The following POLR3H variants were observed in gnomAD, a reference collection of about 807,000 sequenced individuals.
POLR3H encodes the protein DNA-directed RNA polymerase III subunit RPC8.
Under a neutral mutation model 25.5 loss-of-function variants are expected in POLR3H, and 17 were observed. That is an observed-to-expected ratio of 0.67 (90% CI 0.46 to 1.00). The LOEUF (loss-of-function observed/expected upper bound fraction) is 1.00. Ranked by LOEUF, POLR3H falls within the 50% of genes least tolerant of loss-of-function variation. POLR3H has a pLI of 0.00. For synonymous variants in POLR3H, 129 were observed against 103.0 expected, an observed-to-expected ratio of 1.25 and a Z score of -1.53; for missense variants, 274 against 265.0, an observed-to-expected ratio of 1.03 and a Z score of -0.24.
Position 41,532,080 on chromosome 22 carries a change from C to G in POLR3H, c.359+14G>C. ...AGCTCCCTGTGACAAACCACTTTAA[C>G]CCTTGGAGGATACAACTTGGCTGGC... On this transcript the variant is annotated intron_variant, in intron 4 of 5. Coordinates refer to ENST00000355209, the MANE Select transcript of POLR3H (RefSeq NM_001018050.4). 6.2e-7 allele frequency: 1 copy of G among 1,613,452 alleles called. No homozygotes were observed. Among genetic ancestry groups the G allele is most frequent in the Non-Finnish European group, 8.5e-7 (1 of 1,179,402 alleles).
chr22:41,532,381 G>A (rs2066753681), intron 3 of POLR3H, among the ~76,000 whole-genome samples: 1 of 152,338 alleles, frequency 6.6e-6, no homozygotes, highest in African/African-American at 2.4e-5. Context: ...CAAAACCTCT[G>A]CACACAACAG....
intron 2 of POLR3H, 159 bp downstream of exon 2, chr22:41,540,540 G>T: frequency 1.4e-6 from 1 of 711,018 alleles, no homozygotes; most frequent in Non-Finnish European, 2.6e-6. Flanking sequence ...ACAGGGTCTT[G>T]CTATGTTGCC....
At position 41,544,127 on chromosome 22, in the gene POLR3H, A is replaced by G. The variant is rs779498806; in HGVS notation, c.-26T>C. The stretch of plus-strand genomic sequence containing the variant: ...CCCGGCCTGCGCTGGGGGCTCTGGG[A>G]ACAGGAGGGTCAGTCACGCACCAGG... On this transcript the variant is annotated 5_prime_UTR_variant, in exon 1 of 6. Transcript: ENST00000355209. The G allele has an allele frequency of 1.4e-6, 2 of 1,467,976 alleles. No homozygotes were observed. Among genetic ancestry groups the G allele is most frequent in the Non-Finnish European group, 1.9e-6 (2 of 1,051,816 alleles). 90.9% of individuals were successfully genotyped at this position (1,467,976 alleles called of 1,614,324 possible).
At chr22:41,538,674 CT>C (rs2066885938) in intron 2 of POLR3H, among the ~76,000 whole-genome samples, 1 of 152,228 alleles carries the variant, frequency 6.6e-6, no homozygotes. Flanking sequence ...GCTCGGCATC[CT>C]TCTCTGTAAA....
intron 2 of POLR3H, chr22:41,540,461 C>T: frequency 3.8e-6 from 2 of 528,964 alleles, no homozygotes; most frequent in South Asian, 3.8e-5. Flanking sequence ...AGGACTCCCA[C>T]CACCCTCTGG....
rs1435647399 is a variant in POLR3H, at chr22:41,526,762, A to AG, written c.*2520dup. 5.5e-6 allele frequency: 2 copies of AG among 363,926 alleles called. No individual in the cohort carries two copies. The highest frequency in any genetic ancestry group is 1.0e-5 in the Non-Finnish European group (2 of 198,934). The allele number at this position is 363,926 out of a possible 1,614,324, so 22.5% of individuals were successfully genotyped here. On this transcript the variant is annotated 3_prime_UTR_variant, in exon 6 of 6. Transcript: ENST00000355209. ...GAAGTCAGAGGCCAAAAGCTCAGAG[A>AG]GGGGGCTACACGGGGCCTCACAGTG... is the stretch of plus-strand genomic sequence containing the variant.
At chr22:41,532,232 T>C (rs539246972) in intron 3 of POLR3H, 75 bp from the exon 4 acceptor site, 4 of 1,462,210 alleles carry the variant, frequency 2.7e-6, no homozygotes, top group African/African-American at 2.8e-5. Context: ...GTCTTATGCT[T>C]GACAGGCAAG....
chr22:41,540,333 A>G lies in POLR3H; in HGVS notation c.208+366T>C, dbSNP rs2066909293. Reference sequence around the variant, plus strand: ...GCTGAAGAGGCCTTGAAAACCAACTAGTCCACATCCCAGGCCTCACAGATG... The same window carrying G: ...GCTGAAGAGGCCTTGAAAACCAACTGGTCCACATCCCAGGCCTCACAGATG... On this transcript the variant is annotated intron_variant, in intron 2 of 5. Transcript: ENST00000355209. The G allele has an allele frequency of 8.3e-6, 3 of 362,074 alleles. 1 individual carries two copies. The highest frequency in any genetic ancestry group is 9.9e-4 in the Middle Eastern group (1 of 1,012). The allele number at this position is 362,074 out of a possible 1,614,324, so 22.4% of individuals were successfully genotyped here.
chr22:41,533,123 C>T (rs1435721631), intron 2 of POLR3H, among the ~76,000 whole-genome samples: 2 of 152,206 alleles, frequency 1.3e-5, no homozygotes, highest in Non-Finnish European at 1.5e-5. Flanking sequence ...GCAAAGTCGG[C>T]CCCAGGCACA....
chr22:41,532,608 T>C (rs777546085), intron 3 of POLR3H, 51 bp downstream of exon 3: 3 of 1,613,712 alleles, frequency 1.9e-6, no homozygotes, highest in Admixed American at 3.3e-5. Context: ...ACAGACCTCC[T>C]GCCCCCACAG....
At chr22:41,538,444 G>T (rs1450508089) in intron 2 of POLR3H, among the ~76,000 whole-genome samples, 2 of 152,080 alleles carry the variant, frequency 1.3e-5, no homozygotes, top group African/African-American at 4.8e-5. Context: ...AGTTTTAGTA[G>T]AGATGAGGTT....
At position 41,527,208 on chromosome 22, in the gene POLR3H, TG is replaced by T; in HGVS notation, c.*2074del. Reference sequence around the variant, plus strand: ...TCAGGATGCCCAGGCGCCAGGTGGGTGAGGCCAGGCAGGTAGGGCCAGACAG... The same window carrying T: ...TCAGGATGCCCAGGCGCCAGGTGGGTAGGCCAGGCAGGTAGGGCCAGACAG... On this transcript the variant is annotated 3_prime_UTR_variant, in exon 6 of 6. Coordinates refer to ENST00000355209, the MANE Select transcript of POLR3H (RefSeq NM_001018050.4). 1 of 1,601,840 alleles carries T rather than the reference TG, an allele frequency of 6.2e-7. No homozygotes were observed. The highest frequency in any genetic ancestry group is 1.7e-5 in the Admixed American group (1 of 59,458).
rs1454456583 is a variant in POLR3H, at chr22:41,529,024, A to G, written c.*259T>C. ...GTCTGTGCCGTTTGTTGTCAAGTCC[A>G]GGGTCCAGGAAGGGTCTTTTCAGTC... On this transcript the variant is annotated 3_prime_UTR_variant, in exon 6 of 6. Transcript: ENST00000355209. 4 of 548,054 alleles carry G rather than the reference A, an allele frequency of 7.3e-6. No individual in the cohort carries two copies. In the East Asian group the frequency reaches 1.2e-4, roughly 17 times the overall value. The allele number at this position is 548,054 out of a possible 1,614,324, so 33.9% of individuals were successfully genotyped here. A position where few individuals can be genotyped will look rare whatever the true frequency, so the allele number is the denominator to read the frequency against.
rs1286361933 is a variant in POLR3H at position 41,528,874 on chromosome 22, A to T, written c.*409T>A. The T allele has an allele frequency of 1.4e-5, 7 of 515,246 alleles. No individual in the cohort carries two copies. The highest frequency in any genetic ancestry group is 2.0e-5 in the Non-Finnish European group (6 of 293,900). The allele number at this position is 515,246 out of a possible 1,614,324, so 31.9% of individuals were successfully genotyped here. A position where few individuals can be genotyped will look rare whatever the true frequency, so the allele number is the denominator to read the frequency against. The stretch of plus-strand genomic sequence containing the variant: ...AACTGTATTTATTTTTGATGACAAG[A>T]CTCCCATCTAAAGTTTTTCTCCTGC... On this transcript the variant is annotated 3_prime_UTR_variant, in exon 6 of 6. Transcript: ENST00000355209.
intron 2 of POLR3H, among the ~76,000 whole-genome samples, chr22:41,538,478 T>G (rs1224418579): frequency 6.6e-6 from 1 of 152,166 alleles, no homozygotes; most frequent in Non-Finnish European, 1.5e-5. Flanking sequence ...CAGGCTGGTC[T>G]AGAACTCCTG....
At position 41,526,437 on chromosome 22, in the gene POLR3H, C is replaced by T. The variant is rs780385024; in HGVS notation, c.*2846G>A. 2 of 1,612,900 alleles carry T rather than the reference C, an allele frequency of 1.2e-6. No homozygotes were observed. The highest frequency in any genetic ancestry group is 2.2e-5 in the South Asian group (2 of 90,994). ...CAGGAGTTTGGCCCCGTCCCTGACA[C>T]TGCCCGCTACTACAAGGTGGGTCAG... On this transcript the variant is annotated 3_prime_UTR_variant, in exon 6 of 6. Transcript: ENST00000355209.
chr22:41,534,120 G>C (rs1480121593), intron 2 of POLR3H, among the ~76,000 whole-genome samples: 4 of 151,332 alleles, frequency 2.6e-5, no homozygotes, highest in African/African-American at 9.7e-5. Context: ...CTGGGCAACA[G>C]AGCAAGACTC....
At chr22:41,538,611 C>T (rs929045283) in intron 2 of POLR3H, among the ~76,000 whole-genome samples, 1 of 152,134 alleles carries the variant, frequency 6.6e-6, no homozygotes, top group Non-Finnish European at 1.5e-5. Context: ...TACCTATTAC[C>T]ACTTGTCTCC....
chr22:41,532,790 G>A (rs779015831), intron 2 of POLR3H, 45 bp from the exon 3 acceptor site: 7 of 1,598,028 alleles, frequency 4.4e-6, no homozygotes. Flanking sequence ...CGGGGCCCCA[G>A]TGCGCTCCCA....
Sources: allele counts gnomAD v4.1 joint callset (sites outside exome capture counted in the v4.1 genomes callset), GRCh38; gene constraint gnomAD v4.1.1; transcripts MANE v1.5; gene names NCBI Gene and HGNC (gene_info 2026-07-23, HGNC 2026-07-21).